The following EXOSC5 variants were observed in gnomAD, a reference collection of about 807,000 sequenced individuals.
The protein encoded by EXOSC5 is exosome complex component RRP46.
EXOSC5 carries 15 observed loss-of-function variants against 23.7 expected under a neutral mutation model. The observed-to-expected ratio is 0.63, with a 90% CI of 0.42 to 0.97. EXOSC5 has a LOEUF of 0.97. Among genes scored for constraint, EXOSC5 ranks in the 50% least tolerant of loss-of-function variants. EXOSC5 has a pLI of 0.00. For missense variants in EXOSC5, 305 were observed against 316.3 expected (o/e 0.96, Z 0.27); for synonymous variants, 143 against 140.9 (o/e 1.02, Z -0.11).
intron 4 of EXOSC5, among the ~76,000 whole-genome samples, chr19:41,388,994 G>A (rs533127089): frequency 6.6e-6 from 1 of 152,352 alleles, no homozygotes; most frequent in African/African-American, 2.4e-5. Flanking sequence ...CATCCAGGCT[G>A]GAGTGAAGTG....
Position 41,397,194 on chromosome 19 carries a change from A to G in EXOSC5, c.135T>C (p.Ala45=). Residue 45 remains alanine (A), a synonymous_variant, in exon 1 of 6, where the codon GCT becomes GCC. Transcript: ENST00000221233. Reference sequence around the variant, plus strand: ...TGAAGTTCTTACCTTGCAGGAAGGAAGCAGAGCCATCTGGCCGCGACAGCA... The same window carrying G: ...TGAAGTTCTTACCTTGCAGGAAGGAGGCAGAGCCATCTGGCCGCGACAGCA... ...QNLLSRPDGS[A]SFLQGDTSVL... is the part of the protein sequence containing the mutation. 6.2e-7 allele frequency: 1 copy of G among 1,614,080 alleles called. No individual in the cohort carries two copies.
chr19:41,392,767 C>G, intron 2 of EXOSC5, 100 bp downstream of exon 2: 1 of 954,154 alleles, frequency 1.0e-6, no homozygotes, highest in Non-Finnish European at 1.6e-6. Context: ...AGTGGAGACC[C>G]AAGCGGGGAG....
intron 1 of EXOSC5, among the ~76,000 whole-genome samples, chr19:41,394,276 G>T (rs1208150343): frequency 1.3e-5 from 2 of 152,020 alleles, no homozygotes; most frequent in Non-Finnish European, 2.9e-5. Flanking sequence ...TACTTGGGAG[G>T]CCGACGCAGG....
intron 3 of EXOSC5, among the ~76,000 whole-genome samples, chr19:41,390,564 G>C (rs1456256083): frequency 2.0e-5 from 3 of 152,228 alleles, no homozygotes; most frequent in East Asian, 1.9e-4. Flanking sequence ...AAAGACACGA[G>C]GGGGAGGCAC....
intron 1 of EXOSC5, among the ~76,000 whole-genome samples, chr19:41,395,605 A>G (rs2039056258): frequency 1.3e-5 from 2 of 152,198 alleles, no homozygotes; most frequent in African/African-American, 4.8e-5. Flanking sequence ...AGGCTGAAAC[A>G]GCTGGTCAGC....
In EXOSC5 at chr19:41,392,988, G is replaced by A; in HGVS notation, c.149-8C>T. On this transcript the variant is annotated splice_region_variant and splice_polypyrimidine_tract_variant and intron_variant, in intron 1 of 5. Transcript: ENST00000221233. ...CCAGGACAGAGGTGTCACCTGAGGA[G>A]ACAGCAGGGAGGGCCTCACTCACAG... 5.0e-6 allele frequency: 8 copies of A among 1,611,824 alleles called. No individual in the cohort carries two copies. The highest frequency in any genetic ancestry group is 6.8e-6 in the Non-Finnish European group (8 of 1,179,260).
At chr19:41,393,080 C>G in intron 1 of EXOSC5, 100 bp from the exon 2 acceptor site, 2 of 865,586 alleles carry the variant, frequency 2.3e-6, no homozygotes, top group Non-Finnish European at 3.8e-6. Flanking sequence ...ACGTCACCCC[C>G]GCCATTTGTT....
intron 1 of EXOSC5, 21 bp downstream of exon 1, chr19:41,397,160 A>G: frequency 6.2e-7 from 1 of 1,611,192 alleles, no homozygotes; most frequent in Non-Finnish European, 8.5e-7. Context: ...TCCAAAAGAA[A>G]GACCTGGGTG....
At chr19:41,387,017 A>G (rs2038989748) in intron 5 of EXOSC5, among the ~76,000 whole-genome samples, 1 of 152,200 alleles carries the variant, frequency 6.6e-6, no homozygotes, top group Admixed American at 6.5e-5. Flanking sequence ...GTGCAGAGCT[A>G]TGGAACTGGA....
At chr19:41,393,493 G>T (rs1023987899) in intron 1 of EXOSC5, among the ~76,000 whole-genome samples, 1 of 151,544 alleles carries the variant, frequency 6.6e-6, no homozygotes, top group Admixed American at 6.6e-5. Flanking sequence ...TCGAACTCCT[G>T]GGCAACTGTA....
rs1262168582 is a variant in EXOSC5 at position 41,389,914 on chromosome 19, C to T, written c.385-9G>A. 1 of 1,576,490 alleles carries T rather than the reference C, an allele frequency of 6.3e-7. No homozygotes were observed. ...AGACAACAGGCCAGGAGCTGAGCAC[C>T]ACAGGAAATGGTTAAGTTTCTTTTT... On this transcript the variant is annotated splice_polypyrimidine_tract_variant and intron_variant, in intron 3 of 5. Transcript: ENST00000221233.
intron 3 of EXOSC5, 134 bp downstream of exon 3, chr19:41,391,707 G>A: frequency 8.1e-7 from 1 of 1,236,324 alleles, no homozygotes; most frequent in East Asian, 2.8e-5. Flanking sequence ...CAGGCTGTTT[G>A]CTCTCCTTCT....
At chr19:41,387,758 A>G (rs1172443539) in intron 4 of EXOSC5, among the ~76,000 whole-genome samples, 155 bp from the exon 5 acceptor site, 2 of 148,070 alleles carry the variant, frequency 1.4e-5, no homozygotes, top group Non-Finnish European at 3.0e-5. Context: ...GAAACTCAAG[A>G]CCAATCTGGG....
At position 41,397,225 on chromosome 19, in the gene EXOSC5, T is replaced by C. The variant is rs772166641; in HGVS notation, c.104A>G (p.Gln35Arg). 7.4e-6 allele frequency: 12 copies of C among 1,614,100 alleles called. No individual in the cohort carries two copies. The South Asian group carries it at 1.1e-4, about 15-fold the overall frequency. Residue 35 changes from glutamine (Q) to arginine (R), a missense_variant, in exon 1 of 6, where the codon CAG becomes CGG. By Grantham distance (43) the Gln-to-Arg change is conservative. Coordinates refer to ENST00000221233, the MANE Select transcript of EXOSC5 (RefSeq NM_020158.4). ...GCSLRHFACE[Q>R]NLLSRPDGSA... Reference sequence around the variant, plus strand: ...GCCATCTGGCCGCGACAGCAGGTTCTGTTCGCAGGCAAAGTGCCGGAGGCT... The same window carrying C: ...GCCATCTGGCCGCGACAGCAGGTTCCGTTCGCAGGCAAAGTGCCGGAGGCT...
Position 41,392,884 on chromosome 19 carries a change from G to T in EXOSC5, c.245C>A (p.Pro82Gln). The change falls in exon 2 of 6, where the codon CCG becomes CAG. Residue 82 changes from proline (P) to glutamine (Q), a missense_variant. Physicochemically the swap from Pro to Gln is moderately conservative, Grantham distance 76. Coordinates refer to ENST00000221233, the MANE Select transcript of EXOSC5 (RefSeq NM_020158.4). ...NKATLEVILR[P>Q]KIGLPGVAEK... Reference sequence around the variant, plus strand: ...CCAATTACCAGGCAGCCCAATCTTCGGCCTCAGGATCACTTCGAGTGTGGC... The same window carrying T: ...CCAATTACCAGGCAGCCCAATCTTCTGCCTCAGGATCACTTCGAGTGTGGC... 6.2e-7 allele frequency: 1 copy of T among 1,613,852 alleles called. No homozygotes were observed. Among genetic ancestry groups the T allele is most frequent in the African/African-American group, 1.3e-5 (1 of 74,986 alleles).
In EXOSC5 at chr19:41,392,053, C is replaced by T. The variant is rs372635852; in HGVS notation, c.263-91G>A. 2.0e-5 allele frequency: 30 copies of T among 1,508,488 alleles called. No homozygotes were observed. In the Middle Eastern group the frequency reaches 1.0e-3, roughly 52 times the overall value. The allele number at this position is 1,508,488 out of a possible 1,614,324, so 93.4% of individuals were successfully genotyped here. ...CACCCAAATTCCCAGAAAGGGCTCA[C>T]GGTCTCAGCCTGGGATGGTGCAGTT... On this transcript the variant is annotated intron_variant, in intron 2 of 5. Coordinates refer to ENST00000221233, the MANE Select transcript of EXOSC5 (RefSeq NM_020158.4).
chr19:41,394,723 G>C (rs970437237), intron 1 of EXOSC5, among the ~76,000 whole-genome samples: 10 of 151,826 alleles, frequency 6.6e-5, no homozygotes, highest in Admixed American at 5.3e-4. Context: ...TCACCATGTT[G>C]GCCAATCTGG....
Position 41,386,569 on chromosome 19 carries a change from T to A in EXOSC5, c.*64A>T. On this transcript the variant is annotated 3_prime_UTR_variant, in exon 6 of 6. Coordinates refer to ENST00000221233, the MANE Select transcript of EXOSC5 (RefSeq NM_020158.4). ...GAGAGGCAAGGCTGGGCTGCTGGTT[T>A]GCTTCAGGCTGTAGGGGGTGAGTGG... 7 of 1,495,076 alleles carry A rather than the reference T, an allele frequency of 4.7e-6. No homozygotes were observed. Among genetic ancestry groups the A allele is most frequent in the Non-Finnish European group, 4.5e-6 (5 of 1,102,056 alleles). The allele number at this position is 1,495,076 out of a possible 1,614,324, so 92.6% of individuals were successfully genotyped here. A position where few individuals can be genotyped will look rare whatever the true frequency, so the allele number is the denominator to read the frequency against.
rs1331683294 is a variant in EXOSC5 at position 41,387,584 on chromosome 19, G to A, written c.545C>T (p.Thr182Ile). Residue 182 changes from threonine (T) to isoleucine (I), a missense_variant, in exon 5 of 6, where the codon ACC (threonine) becomes ATC (isoleucine). Transcript: ENST00000221233. Reference protein sequence around the residue: ...KQEKEARAVLTFALDSVERKL... With the variant: ...KQEKEARAVLIFALDSVERKL... Reference sequence around the variant, plus strand: ...CCGTTCCACGCTGTCCAGGGCAAAGGTCAGGACTGCCCGGGCCTCCTAGGG... The same window carrying A: ...CCGTTCCACGCTGTCCAGGGCAAAGATCAGGACTGCCCGGGCCTCCTAGGG... 1.2e-6 allele frequency: 2 copies of A among 1,603,962 alleles called. No homozygotes were observed. The highest frequency in any genetic ancestry group is 1.7e-6 in the Non-Finnish European group (2 of 1,175,950).
Sources: allele counts gnomAD v4.1 joint callset (sites outside exome capture counted in the v4.1 genomes callset), GRCh38; gene constraint gnomAD v4.1.1; transcripts MANE v1.5; gene names NCBI Gene and HGNC (gene_info 2026-07-23, HGNC 2026-07-21).